PTPN2: variants seen among roughly 807,000 people sequenced by gnomAD.
The protein encoded by PTPN2 is tyrosine-protein phosphatase non-receptor type 2.
In PTPN2, 19 loss-of-function variants were observed where a neutral mutation model predicts 57.3. That is an observed-to-expected ratio of 0.33 (90% CI 0.23 to 0.49). The LOEUF (loss-of-function observed/expected upper bound fraction) is 0.49, where lower values mean the gene tolerates loss of function less well. Among genes scored for constraint, PTPN2 ranks in the 20% least tolerant of loss-of-function variants. PTPN2 has a pLI of 0.99. For missense variants in PTPN2, 358 were observed against 501.1 expected (o/e 0.71, Z 2.73); for synonymous variants, 153 against 164.9 (o/e 0.93, Z 0.55).
At chr18:12,789,218 T>A (rs1003093145), downstream of PTPN2, among the ~76,000 whole-genome samples, 9 of 152,196 alleles carry the variant, frequency 5.9e-5, no homozygotes, top group African/African-American at 1.9e-4. Context: ...AGGAGTGAGT[T>A]ACCAAGCCAG....
At chr18:12,841,800 A>G (rs769135521) in intron 2 of PTPN2, among the ~76,000 whole-genome samples, 3 of 152,258 alleles carry the variant, frequency 2.0e-5, no homozygotes, top group Non-Finnish European at 4.4e-5. Flanking sequence ...TCTTTACAAA[A>G]TAGGTAAAAT....
At chr18:12,859,809 T>C (rs607906) in intron 1 of PTPN2, among the ~76,000 whole-genome samples, 131,923 of 152,200 alleles carry the variant, frequency 0.87, 58,517 homozygotes, top group Non-Finnish European at 0.96. Context: ...ATTTCTATCA[T>C]GTTTGTCATT....
chr18:12,870,874 G>A (rs751586310), intron 1 of PTPN2, among the ~76,000 whole-genome samples: 1 of 151,834 alleles, frequency 6.6e-6, no homozygotes, highest in Non-Finnish European at 1.5e-5. Context: ...ATGTATACAT[G>A]GATTACATGG....
chr18:12,873,897 GCCGCCCCGT>G (rs1269747047), intron 1 of PTPN2, among the ~76,000 whole-genome samples: 6 of 151,294 alleles, frequency 4.0e-5, no homozygotes, highest in South Asian at 4.2e-4. Flanking sequence ...CCTTTGCCCC[GCCGCCCCGT>G]CTGGGATGTG....
intron 1 of PTPN2, among the ~76,000 whole-genome samples, chr18:12,859,528 G>C (rs529924168): frequency 4.9e-4 from 75 of 152,280 alleles, no homozygotes; most frequent in African/African-American, 1.8e-3. Context: ...ATTGAACCAA[G>C]GTCCTTCAGA....
At chr18:12,824,578 A>G (rs1348714883) in intron 5 of PTPN2, among the ~76,000 whole-genome samples, 1 of 152,220 alleles carries the variant, frequency 6.6e-6, no homozygotes, top group Non-Finnish European at 1.5e-5. Context: ...TCCTATTTTC[A>G]AGCTATCACA....
intron 2 of PTPN2, among the ~76,000 whole-genome samples, chr18:12,858,334 C>T (rs1168212124): frequency 6.6e-6 from 1 of 152,116 alleles, no homozygotes; most frequent in Non-Finnish European, 1.5e-5. Flanking sequence ...TGCTGAAGCA[C>T]GAAGGAGGCC....
intron 7 of PTPN2, among the ~76,000 whole-genome samples, chr18:12,808,813 T>C (rs2041788087): frequency 6.6e-6 from 1 of 151,946 alleles, no homozygotes; most frequent in Non-Finnish European, 1.5e-5. Flanking sequence ...AAAAACAAAA[T>C]AAAAAATAAA....
chr18:12,858,773 G>C (rs1193807107), intron 2 of PTPN2, among the ~76,000 whole-genome samples: 3 of 151,816 alleles, frequency 2.0e-5, no homozygotes, highest in African/African-American at 7.2e-5. Flanking sequence ...TTATAACTTG[G>C]GGAAGGAAAA....
chr18:12,849,261 AT>A (rs2043310797), intron 2 of PTPN2, among the ~76,000 whole-genome samples: 1 of 152,160 alleles, frequency 6.6e-6, no homozygotes, highest in Admixed American at 6.5e-5. Flanking sequence ...ACTGTGGTGA[AT>A]TATAAAATAA....
In PTPN2 at chr18:12,814,337, TATC is replaced by T. The variant is rs1278012545; in HGVS notation, c.721_723del (p.Asp241del). 3 of 1,594,746 alleles carry T rather than the reference TATC, an allele frequency of 1.9e-6. No homozygotes were observed. In the Admixed American group the frequency reaches 5.5e-5, roughly 29 times the overall value. ...TTCAGTAACACTTGTTTTATGTTAATATCATCTCCTTTTTCCATCTGCAAGAAA... is the reference window on the plus strand; with the variant it reads ...TTCAGTAACACTTGTTTTATGTTAATATCTCCTTTTTCCATCTGCAAGAAA... On this transcript the variant is annotated inframe_deletion, in exon 7 of 9. Transcript: ENST00000309660.
intron 9 of PTPN2, chr18:12,786,027 G>A: frequency 1.7e-6 from 1 of 575,306 alleles, no homozygotes; most frequent in South Asian, 2.2e-5. Context: ...AACGGCTGGG[G>A]TGCTGGATTT....
chr18:12,811,522 A>C (rs1258096418), intron 7 of PTPN2, among the ~76,000 whole-genome samples: 2 of 152,128 alleles, frequency 1.3e-5, no homozygotes, highest in Non-Finnish European at 2.9e-5. Flanking sequence ...TGAATTAAAA[A>C]AACCCCACAA....
At chr18:12,788,062 T>TA (rs2040886308), downstream of PTPN2, 3 of 154,840 alleles carry the variant, frequency 1.9e-5, no homozygotes, top group South Asian at 6.1e-4. Flanking sequence ...ACAGATGACT[T>TA]ACCTAGGTTC....
chr18:12,838,706 G>A (rs2042951370), intron 2 of PTPN2, among the ~76,000 whole-genome samples: 1 of 151,862 alleles, frequency 6.6e-6, no homozygotes, highest in Non-Finnish European at 1.5e-5. Flanking sequence ...TTTTTATTTT[G>A]TTATCAGATA....
chr18:12,821,595 G>C (rs981125401), intron 5 of PTPN2, among the ~76,000 whole-genome samples: 6 of 152,218 alleles, frequency 3.9e-5, no homozygotes, highest in Non-Finnish European at 1.5e-5. Context: ...AAACTCACCA[G>C]ATCAGGAGGA....
rs1568169016 is a variant in PTPN2 at position 12,870,365 on chromosome 18, G to GTGTATATATACGTA, written c.70-11112_70-11111insTACGTATATATACA. Reference sequence around the variant, plus strand: ...TACATATATATGTGTATATATATGTGTATATATACATATATATACGTATAT... The same window carrying GTGTATATATACGTA: ...TACATATATATGTGTATATATATGTGTGTATATATACGTATATATATACATATATATACGTATAT... On this transcript the variant is annotated intron_variant, in intron 1 of 8. Transcript: ENST00000309660. Among the ~76,000 whole-genome samples, 2 of 38,524 alleles carry GTGTATATATACGTA rather than the reference G, an allele frequency of 5.2e-5. 1 individual carries two copies. The highest frequency in any genetic ancestry group is 3.4e-4 in the African/African-American group (2 of 5,964). The allele number at this position is 38,524 out of a possible 152,430, so 25.3% of individuals were successfully genotyped here.
chr18:12,881,345 G>A (rs1304761599), intron 1 of PTPN2, among the ~76,000 whole-genome samples: 4 of 152,160 alleles, frequency 2.6e-5, no homozygotes, highest in Non-Finnish European at 4.4e-5. Flanking sequence ...GCTGAGGTAA[G>A]TGAATCACTT....
chr18:12,813,703 A>G (rs2041973368), intron 7 of PTPN2, among the ~76,000 whole-genome samples: 2 of 152,232 alleles, frequency 1.3e-5, no homozygotes, highest in Admixed American at 6.5e-5. Context: ...ACATAACACA[A>G]GTTTCTGATC....
Sources: gnomAD v4.1 joint callset for allele counts (sites outside exome capture counted in the v4.1 genomes callset) on GRCh38, gnomAD v4.1.1 for gene constraint, MANE v1.5 for transcripts, NCBI Gene and HGNC (gene_info 2026-07-23, HGNC 2026-07-21) for gene names.